Variants in DOC2B observed in about 807,000 individuals in gnomAD.
DOC2B encodes the protein double C2-like domain-containing protein beta.
A neutral mutation model predicts 28.9 loss-of-function variants in DOC2B; 21 were observed. That is an observed-to-expected ratio of 0.73 (90% confidence interval 0.52 to 1.05). DOC2B has a LOEUF of 1.05. Ranked by LOEUF, DOC2B falls within the 50% of genes least tolerant of loss-of-function variation. The probability of loss-of-function intolerance (pLI) is 0.00; values close to 1 mark genes in which losing one functional copy is unlikely to be tolerated. For synonymous variants in DOC2B, 194 were observed against 178.1 expected, an observed-to-expected ratio of 1.09 and a Z score of -0.71; for missense variants, 384 against 421.1, an observed-to-expected ratio of 0.91 and a Z score of 0.77.
intron 7 of DOC2B, among the ~76,000 whole-genome samples, chr17:148,534 C>G (rs2040039574): frequency 1.3e-5 from 2 of 152,108 alleles, no homozygotes; most frequent in African/African-American, 4.8e-5. Flanking sequence ...AGAGGCACTG[C>G]ACGCCCCACA....
intron 6 of DOC2B, among the ~76,000 whole-genome samples, chr17:153,311 C>T (rs17606525): frequency 0.04 from 6,053 of 152,336 alleles, 169 homozygotes; most frequent in Non-Finnish European, 0.058. Flanking sequence ...ACCAGACCAT[C>T]TGTCACAGCA....
In DOC2B at chr17:145,196, G is replaced by C. The variant is rs2040010114; in HGVS notation, c.*2245C>G. 6.6e-6 allele frequency: 1 copy of C among 152,174 alleles called. No individual in the cohort carries two copies. Among genetic ancestry groups the C allele is most frequent in the Non-Finnish European group, 1.5e-5 (1 of 68,090 alleles). The allele number at this position is 152,174 out of a possible 1,614,324, so 9.4% of individuals were successfully genotyped here. A position where few individuals can be genotyped will look rare whatever the true frequency, so the allele number is the denominator to read the frequency against. ...TTCAAAGCCAGCGGATGAGGTGGCA[G>C]GACAGTGACAAGACCCCAGGTCTCC... On this transcript the variant is annotated 3_prime_UTR_variant, in exon 9 of 9. Transcript: ENST00000613549.
At chr17:156,880 G>A (rs1230794661) in intron 5 of DOC2B, among the ~76,000 whole-genome samples, 2 of 152,204 alleles carry the variant, frequency 1.3e-5, no homozygotes, top group Admixed American at 6.5e-5. Flanking sequence ...TGCCCAGCTG[G>A]TTCTTACTTT....
At chr17:151,024 C>A (rs1173395112) in intron 6 of DOC2B, among the ~76,000 whole-genome samples, 1 of 152,132 alleles carries the variant, frequency 6.6e-6, no homozygotes, top group African/African-American at 2.4e-5. Flanking sequence ...AGGGAACTTT[C>A]TGGGGTCATA....
At chr17:165,487 TAAAA>T (rs3029494) in intron 2 of DOC2B, among the ~76,000 whole-genome samples, 1 of 119,144 alleles carries the variant, frequency 8.4e-6, no homozygotes, top group Non-Finnish European at 1.8e-5. Flanking sequence ...GTCTCAAGTT[TAAAA>T]AAAAAAAAAA....
At chr17:178,012 G>A (rs544067057) in intron 1 of DOC2B, among the ~76,000 whole-genome samples, 5 of 152,342 alleles carry the variant, frequency 3.3e-5, no homozygotes, top group Admixed American at 2.0e-4. Context: ...GGGACTTCTG[G>A]GAGAGGTTTC....
rs995510648 is a variant in DOC2B, at chr17:146,973, C to T, written c.*468G>A. ...CCCGCTTCTTCCATCTGTCCAGCAG[C>T]GAAGGAGATGAGGGATGCAGTTAGG... On this transcript the variant is annotated 3_prime_UTR_variant, in exon 9 of 9. Coordinates refer to ENST00000613549, the MANE Select transcript of DOC2B (RefSeq NM_003585.5). 36 of 155,764 alleles carry T rather than the reference C, an allele frequency of 2.3e-4. No individual in the cohort carries two copies. The highest frequency in any genetic ancestry group is 4.1e-4 in the South Asian group (2 of 4,884). The allele number at this position is 155,764 out of a possible 1,614,324, so 9.6% of individuals were successfully genotyped here.
Position 147,117 on chromosome 17 carries a change from A to G in DOC2B, c.*324T>C. On this transcript the variant is annotated 3_prime_UTR_variant, in exon 9 of 9. Transcript: ENST00000613549. ...GGCGCCCCCACACTCCTGTCCTCTC[A>G]GCCGGGGCTGGCCTCTAGAAGGGTC... 3.9e-6 allele frequency: 1 copy of G among 253,790 alleles called. No homozygotes were observed. The highest frequency in any genetic ancestry group is 1.8e-4 in the South Asian group (1 of 5,714). 15.7% of individuals were successfully genotyped at this position (253,790 alleles called of 1,614,324 possible). A position where few individuals can be genotyped will look rare whatever the true frequency, so the allele number is the denominator to read the frequency against.
chr17:148,362 A>T (rs1247734509), intron 7 of DOC2B, 93 bp from the exon 8 acceptor site: 2 of 397,656 alleles, frequency 5.0e-6, no homozygotes, highest in African/African-American at 4.1e-5. Flanking sequence ...CAGAGGAGGG[A>T]TGGGGGTGAT....
chr17:179,304 G>A (rs1403448462), intron 1 of DOC2B, among the ~76,000 whole-genome samples: 1 of 151,912 alleles, frequency 6.6e-6, no homozygotes, highest in East Asian at 1.9e-4. Context: ...CATGCTCCCT[G>A]AAGGGCTGCT....
chr17:148,290 T>C (rs2040036656), intron 7 of DOC2B, 21 bp from the exon 8 acceptor site: 1 of 398,688 alleles, frequency 2.5e-6, no homozygotes, highest in Non-Finnish European at 4.4e-6. Context: ...GAAGGGAGTG[T>C]TAGGGCTGAT....
chr17:148,920 C>T (rs2040044012), intron 7 of DOC2B, among the ~76,000 whole-genome samples, 191 bp downstream of exon 7: 1 of 151,510 alleles, frequency 6.6e-6, no homozygotes. Context: ...CCCAGCCCTA[C>T]ATCCGACAAG....
chr17:178,717 A>G (rs1260398626), intron 1 of DOC2B, among the ~76,000 whole-genome samples: 2 of 152,256 alleles, frequency 1.3e-5, no homozygotes, highest in African/African-American at 4.8e-5. Context: ...CCAGGAGAAA[A>G]GGCTGAGTAA....
chr17:159,567 T>C (rs1367013057), intron 5 of DOC2B, among the ~76,000 whole-genome samples: 1 of 152,152 alleles, frequency 6.6e-6, no homozygotes, highest in Non-Finnish European at 1.5e-5. Context: ...GAGGTTGCAG[T>C]GAACAGAGAT....
In DOC2B at chr17:172,529, G is replaced by A. The variant is rs1227367682; in HGVS notation, c.453+8C>T. On this transcript the variant is annotated splice_region_variant and intron_variant, in intron 2 of 8. Coordinates refer to ENST00000613549, the MANE Select transcript of DOC2B (RefSeq NM_003585.5). ...CAGGGAATTTGGGGGCAGGCTGGCGGGGCCTACCTTGGCCTTGGTGATGGT... is the reference window on the plus strand; with the variant it reads ...CAGGGAATTTGGGGGCAGGCTGGCGAGGCCTACCTTGGCCTTGGTGATGGT... 8.4e-6 allele frequency: 13 copies of A among 1,550,166 alleles called. No homozygotes were observed. Among genetic ancestry groups the A allele is most frequent in the Non-Finnish European group, 1.1e-5 (13 of 1,146,022 alleles).
rs548196841 is a variant in DOC2B, at chr17:156,669, G to A, written c.766-292C>T. Among the ~76,000 whole-genome samples, 34 of 152,346 alleles carry A rather than the reference G, an allele frequency of 2.2e-4. 2 individuals are homozygous for A. The South Asian group carries it at 6.8e-3, about 31-fold the overall frequency. ...CAGGGGTTGGCAACTGCAGCCCGGG[G>A]GCCAGATCAGGCCCGACGCCTGGCT... On this transcript the variant is annotated intron_variant, in intron 5 of 8. Transcript: ENST00000613549.
chr17:150,301 C>G (rs1555521690), intron 6 of DOC2B, among the ~76,000 whole-genome samples: 3 of 152,158 alleles, frequency 2.0e-5, no homozygotes, highest in Non-Finnish European at 2.9e-5. Context: ...TCACCCACGA[C>G]CAACTCCCTG....
chr17:153,567 G>A (rs1463564331), intron 6 of DOC2B, among the ~76,000 whole-genome samples: 3 of 152,138 alleles, frequency 2.0e-5, no homozygotes, highest in Non-Finnish European at 4.4e-5. Context: ...CTGGCGTGGT[G>A]GCGCATGCCT....
At chr17:155,949 G>A (rs973726311) in intron 6 of DOC2B, 4 of 434,096 alleles carry the variant, frequency 9.2e-6, no homozygotes, top group Non-Finnish European at 1.6e-5. Flanking sequence ...CTCAGTCACA[G>A]AGAGGCCTGG....
Sources: gnomAD v4.1 joint callset for allele counts (sites outside exome capture counted in the v4.1 genomes callset) on GRCh38, gnomAD v4.1.1 for gene constraint, MANE v1.5 for transcripts, NCBI Gene and HGNC (gene_info 2026-07-23, HGNC 2026-07-21) for gene names.